Variants in SH3D19 observed in about 807,000 individuals in gnomAD.
The protein encoded by SH3D19 is SH3 domain-containing protein 19.
A neutral mutation model predicts 112.1 loss-of-function variants in SH3D19; 58 were observed. The ratio of observed to expected loss-of-function variants is 0.52; its 90% confidence interval spans 0.42 to 0.64. SH3D19 has a LOEUF of 0.64. SH3D19 is among the 30% of genes least tolerant of loss of function. SH3D19 has a pLI of 0.00. For synonymous variants in SH3D19, 391 were observed against 448.5 expected, an observed-to-expected ratio of 0.87 and a Z score of 1.62; for missense variants, 1,090 against 1,263.4, an observed-to-expected ratio of 0.86 and a Z score of 2.08.
At chr4:151,187,502 C>T (rs1761979899) in intron 2 of SH3D19, 39 bp from the exon 3 acceptor site, 2 of 1,192,752 alleles carry the variant, frequency 1.7e-6, no homozygotes. Context: ...ATTCATTAAT[C>T]CTTTTTGAAA....
intron 1 of SH3D19, among the ~76,000 whole-genome samples, chr4:151,266,515 G>A (rs747614318): frequency 3.3e-5 from 5 of 152,180 alleles, no homozygotes; most frequent in Admixed American, 2.0e-4. Flanking sequence ...AAGAAGAGGT[G>A]CCCTGGTTGG....
At chr4:151,310,675 G>C (rs1488557252) in intron 1 of SH3D19, among the ~76,000 whole-genome samples, 1 of 151,438 alleles carries the variant, frequency 6.6e-6, no homozygotes, top group Admixed American at 6.6e-5. Context: ...GGGTTCAAGT[G>C]ATTCTCATGC....
chr4:151,255,315 C>T (rs1198798131), intron 1 of SH3D19, among the ~76,000 whole-genome samples: 9 of 148,744 alleles, frequency 6.1e-5, no homozygotes, highest in East Asian at 2.1e-4. Context: ...TCAGACGGGG[C>T]GGCCGGGCAG....
chr4:151,272,676 C>G (rs1580370393), intron 1 of SH3D19, among the ~76,000 whole-genome samples: 1 of 151,952 alleles, frequency 6.6e-6, no homozygotes, highest in Admixed American at 6.6e-5. Flanking sequence ...TGTCTATCTA[C>G]TTCCTTAAGT....
rs559460958 is a variant in SH3D19 at position 151,188,229 on chromosome 4, A to C, written c.153-766T>G. ...CTAAGACAATACTATTGTGTTATAC[A>C]GAGGGAAAGATTAAGCTCTAGGAGG... On this transcript the variant is annotated intron_variant, in intron 2 of 19. Coordinates refer to ENST00000604030, the MANE Select transcript of SH3D19 (RefSeq NM_001378122.1). Among the ~76,000 whole-genome samples, 13 of 152,364 alleles carry C rather than the reference A, an allele frequency of 8.5e-5. No homozygotes were observed. The South Asian group carries it at 2.7e-3, about 32-fold the overall frequency.
At chr4:151,319,655 G>A (rs145352219) in intron 1 of SH3D19, among the ~76,000 whole-genome samples, 166 of 152,270 alleles carry the variant, frequency 1.1e-3, no homozygotes, top group African/African-American at 3.9e-3. Flanking sequence ...ACCTAGTTGT[G>A]TAATTTTAGA....
chr4:151,318,300 C>CAAAAAAAAAAAAAA (rs752720803), intron 1 of SH3D19, among the ~76,000 whole-genome samples: 23 of 54,004 alleles, frequency 4.3e-4, no homozygotes, highest in East Asian at 1.1e-3. Context: ...GACTCTGACT[C>CAAAAAAAAAAAAAA]AAAAAAAAAA....
At position 151,128,172 on chromosome 4, in the gene SH3D19, G is replaced by T; in HGVS notation, c.2927C>A (p.Pro976Gln). Residue 976 changes from proline to glutamine, a missense_variant and splice_region_variant, in exon 18 of 20, where the codon CCA (proline) becomes CAA (glutamine). Coordinates refer to ENST00000604030, the MANE Select transcript of SH3D19 (RefSeq NM_001378122.1). ...TTCATGTCTTGCGGTTGTCATACCT[G>T]GGCAGGGCCTCACAAACACTGCTGG... is the stretch of plus-strand genomic sequence containing the variant. Reference protein sequence around the residue: ...IFPAVFVRPCPAEAKSMLAIV... With the variant: ...IFPAVFVRPCQAEAKSMLAIV... 1 of 1,599,086 alleles carries T rather than the reference G, an allele frequency of 6.3e-7. No homozygotes were observed.
At chr4:151,272,757 ACTTTT>A (rs964041439) in intron 1 of SH3D19, among the ~76,000 whole-genome samples, 7 of 90,746 alleles carry the variant, frequency 7.7e-5, no homozygotes, top group African/African-American at 1.9e-4. Flanking sequence ...TTCAGGTTTC[ACTTTT>A]CTTTTTTTTT....
At chr4:151,260,798 A>G (rs978200711) in intron 1 of SH3D19, among the ~76,000 whole-genome samples, 3 of 151,884 alleles carry the variant, frequency 2.0e-5, no homozygotes, top group African/African-American at 7.3e-5. Context: ...GCTCTTTCTC[A>G]CCCTCAAGGC....
At chr4:151,126,979 G>A (rs370217778) in intron 19 of SH3D19, among the ~76,000 whole-genome samples, 45 of 149,492 alleles carry the variant, frequency 3.0e-4, no homozygotes, top group African/African-American at 1.1e-3. Flanking sequence ...GTGCAATCTC[G>A]GCTCACTGCA....
rs1765004609 is a variant in SH3D19 at position 151,205,677 on chromosome 4, C to T, written c.153-18214G>A. On this transcript the variant is annotated intron_variant, in intron 2 of 19. Coordinates refer to ENST00000604030, the MANE Select transcript of SH3D19 (RefSeq NM_001378122.1). ...ATTTAATAAGAATCAATTACTTAAT[C>T]CAACTGCAGTAAGGGAGCTGGACTT... Among the ~76,000 whole-genome samples, 3 of 152,114 alleles carry T rather than the reference C, an allele frequency of 2.0e-5. No individual in the cohort carries two copies. The South Asian group carries it at 6.2e-4, about 32-fold the overall frequency.
At chr4:151,140,934 T>G (rs1376340478) in intron 12 of SH3D19, 1 of 152,196 alleles carries the variant, frequency 6.6e-6, no homozygotes, top group Non-Finnish European at 1.5e-5. Flanking sequence ...AAAATGCACC[T>G]GCAGAAACAA....
chr4:151,122,847 CTTTTT>C (rs760704406), intron 19 of SH3D19, among the ~76,000 whole-genome samples: 7 of 120,846 alleles, frequency 5.8e-5, no homozygotes, highest in African/African-American at 2.3e-4. Flanking sequence ...ATTTTAGAGA[CTTTTT>C]TTTTTTTTTT....
At chr4:151,125,446 A>G (rs1364138298) in intron 19 of SH3D19, among the ~76,000 whole-genome samples, 3 of 149,466 alleles carry the variant, frequency 2.0e-5, no homozygotes, top group African/African-American at 7.3e-5. Flanking sequence ...AGCCTGGGCA[A>G]CAGAGTGAGA....
intron 1 of SH3D19, among the ~76,000 whole-genome samples, chr4:151,260,528 T>C (rs1407803762): frequency 6.6e-6 from 1 of 152,220 alleles, no homozygotes; most frequent in Non-Finnish European, 1.5e-5. Flanking sequence ...ATACTTTGAC[T>C]CTAACATAGC....
intron 19 of SH3D19, among the ~76,000 whole-genome samples, chr4:151,124,263 C>T (rs1239097642): frequency 4.6e-5 from 7 of 152,156 alleles, no homozygotes; most frequent in African/African-American, 1.7e-4. Context: ...TGCACCACCA[C>T]ACCTGGCTAA....
chr4:151,309,235 A>G (rs537628850), intron 1 of SH3D19, among the ~76,000 whole-genome samples: 1 of 152,336 alleles, frequency 6.6e-6, no homozygotes, highest in Admixed American at 6.5e-5. Context: ...TAAGGTGAGC[A>G]TGCCCATTTC....
chr4:151,300,153 A>C (rs1001252816), intron 1 of SH3D19, among the ~76,000 whole-genome samples: 1 of 152,128 alleles, frequency 6.6e-6, no homozygotes, highest in Non-Finnish European at 1.5e-5. Context: ...GTGAGCCGAC[A>C]TCATGCTATT....
Sources: gnomAD v4.1 joint callset for allele counts (sites outside exome capture counted in the v4.1 genomes callset) on GRCh38, gnomAD v4.1.1 for gene constraint, MANE v1.5 for transcripts, NCBI Gene and HGNC (gene_info 2026-07-23, HGNC 2026-07-21) for gene names.